WDR70: variants seen among roughly 807,000 people sequenced by gnomAD.
WDR70 encodes WD repeat-containing protein 70.
In WDR70, 53 loss-of-function variants were observed where a neutral mutation model predicts 88.6. The ratio of observed to expected loss-of-function variants is 0.60; its 90% CI spans 0.48 to 0.75. WDR70 has a LOEUF of 0.75. Ranked by LOEUF, WDR70 falls within the 30% of genes least tolerant of loss-of-function variation. The pLI is 0.00. For missense variants in WDR70, 610 were observed against 823.2 expected, an observed-to-expected ratio of 0.74 and a Z score of 3.17; for synonymous variants, 280 against 270.0, an observed-to-expected ratio of 1.04 and a Z score of -0.36.
chr5:37,507,265 A>T (rs1250275649), intron 8 of WDR70, among the ~76,000 whole-genome samples: 2 of 152,178 alleles, frequency 1.3e-5, no homozygotes, highest in African/African-American at 4.8e-5. Context: ...TTTATGGGGT[A>T]CATGTGATAT....
intron 10 of WDR70, among the ~76,000 whole-genome samples, chr5:37,613,704 TACTA>T (rs1226289372): frequency 1.3e-5 from 2 of 152,200 alleles, no homozygotes; most frequent in African/African-American, 4.8e-5. Flanking sequence ...TTATTGCACT[TACTA>T]AGTACTTACT....
At position 37,526,264 on chromosome 5, in the gene WDR70, C is replaced by T. The variant is rs567786256; in HGVS notation, c.917+9674C>T. ...ATACTGACAAACCGAATCCAGCAGC[C>T]CATCAAAAAGCTTATCCACCATGAT... On this transcript the variant is annotated intron_variant, in intron 9 of 17. Coordinates refer to ENST00000265107, the MANE Select transcript of WDR70 (RefSeq NM_018034.4). 1.2e-3 allele frequency among the ~76,000 whole-genome samples: 182 copies of T among 152,178 alleles called. 4 individuals are homozygous for T. In the South Asian group the frequency reaches 0.036, roughly 30 times the overall value.
intron 2 of WDR70, among the ~76,000 whole-genome samples, chr5:37,380,767 T>C (rs35804017): frequency 0.036 from 5,480 of 151,996 alleles, 346 homozygotes; most frequent in African/African-American, 0.13. Context: ...CCCACCTTAG[T>C]CTCCTGAGTA....
At chr5:37,523,480 A>ATG (rs1174031569) in intron 9 of WDR70, among the ~76,000 whole-genome samples, 4 of 152,220 alleles carry the variant, frequency 2.6e-5, no homozygotes, top group African/African-American at 9.6e-5. Flanking sequence ...CCCCATCTGT[A>ATG]TGTCACCATC....
chr5:37,391,755 C>T (rs533852533), intron 3 of WDR70, among the ~76,000 whole-genome samples: 3 of 152,146 alleles, frequency 2.0e-5, no homozygotes, highest in Admixed American at 6.5e-5. Context: ...TTAGACTGTG[C>T]TTTCAGTTTC....
intron 8 of WDR70, among the ~76,000 whole-genome samples, chr5:37,484,709 A>C (rs543469837): frequency 1.8e-4 from 27 of 152,320 alleles, no homozygotes; most frequent in African/African-American, 6.3e-4. Flanking sequence ...GGTATGAAAA[A>C]CATTTATTTT....
At chr5:37,492,804 T>C (rs1740104660) in intron 8 of WDR70, among the ~76,000 whole-genome samples, 1 of 152,180 alleles carries the variant, frequency 6.6e-6, no homozygotes, top group South Asian at 2.1e-4. Flanking sequence ...GACTAGATGA[T>C]TTAGTTAATT....
chr5:37,623,578 A>G (rs1041284057), intron 10 of WDR70, among the ~76,000 whole-genome samples: 2 of 152,176 alleles, frequency 1.3e-5, no homozygotes, highest in Non-Finnish European at 2.9e-5. Context: ...TGGAACTTTT[A>G]TACTATTTCA....
Position 37,474,100 on chromosome 5 carries a change from T to C in WDR70, c.687-5734T>C, listed in dbSNP as rs149890316. ...TTTTCTTTGATCTAAGGATTACTTA[T>C]AGGTATCTTGCTTTATTTTCAAACA... On this transcript the variant is annotated intron_variant, in intron 7 of 17. Transcript: ENST00000265107. Among the ~76,000 whole-genome samples, 6 of 152,308 alleles carry C rather than the reference T, an allele frequency of 3.9e-5. No individual in the cohort carries two copies. In the East Asian group the frequency reaches 1.2e-3, roughly 29 times the overall value.
intron 5 of WDR70, among the ~76,000 whole-genome samples, chr5:37,410,800 G>A (rs1277020156): frequency 6.6e-6 from 1 of 152,148 alleles, no homozygotes; most frequent in African/African-American, 2.4e-5. Flanking sequence ...ATGGAAAATG[G>A]AAGTAGGTAT....
At chr5:37,448,108 A>G (rs1408865826) in intron 7 of WDR70, among the ~76,000 whole-genome samples, 2 of 152,056 alleles carry the variant, frequency 1.3e-5, no homozygotes, top group African/African-American at 4.8e-5. Context: ...ATTGGTGATC[A>G]TTTCTTTTTC....
intron 5 of WDR70, among the ~76,000 whole-genome samples, chr5:37,417,341 C>G (rs1335955055): frequency 6.6e-6 from 1 of 152,090 alleles, no homozygotes. Context: ...CCTCCCATCT[C>G]AGTCTCCCTA....
chr5:37,411,721 G>A (rs796683183), intron 5 of WDR70, among the ~76,000 whole-genome samples: 8 of 152,024 alleles, frequency 5.3e-5, no homozygotes, highest in African/African-American at 1.7e-4. Context: ...ATGAGACTCC[G>A]TCTTGATTTG....
intron 5 of WDR70, among the ~76,000 whole-genome samples, chr5:37,428,222 C>T (rs970221936): frequency 5.3e-5 from 8 of 151,848 alleles, no homozygotes; most frequent in Admixed American, 3.3e-4. Flanking sequence ...AAAAAAATAA[C>T]CAGTTTTGCT....
intron 10 of WDR70, among the ~76,000 whole-genome samples, chr5:37,692,736 A>G (rs75372751): frequency 6.6e-6 from 1 of 152,350 alleles, no homozygotes; most frequent in East Asian, 1.9e-4. Flanking sequence ...AGAGCTATTT[A>G]TGACAAATCC....
chr5:37,747,062 C>A (rs1748656337), intron 17 of WDR70, among the ~76,000 whole-genome samples: 1 of 152,158 alleles, frequency 6.6e-6, no homozygotes, highest in Admixed American at 6.5e-5. Context: ...CATCAAAAAA[C>A]TTAATCCATG....
intron 10 of WDR70, among the ~76,000 whole-genome samples, chr5:37,630,391 G>T (rs1180392790): frequency 6.6e-6 from 1 of 152,202 alleles, no homozygotes; most frequent in Non-Finnish European, 1.5e-5. Flanking sequence ...TCAGACCCTT[G>T]TTGAGGATGT....
chr5:37,734,967 A>G (rs1046921288), intron 17 of WDR70, among the ~76,000 whole-genome samples: 1 of 152,006 alleles, frequency 6.6e-6, no homozygotes, highest in African/African-American at 2.4e-5. Flanking sequence ...AATTTTGTGT[A>G]TTTTTCTTTT....
intron 7 of WDR70, among the ~76,000 whole-genome samples, chr5:37,451,404 G>A (rs1398766617): frequency 6.6e-6 from 1 of 152,108 alleles, no homozygotes; most frequent in Non-Finnish European, 1.5e-5. Context: ...CGTCCAGTAT[G>A]GTAGTCACTC....
Sources: gnomAD v4.1 joint callset for allele counts (sites outside exome capture counted in the v4.1 genomes callset) on GRCh38, gnomAD v4.1.1 for gene constraint, MANE v1.5 for transcripts, NCBI Gene and HGNC (gene_info 2026-07-23, HGNC 2026-07-21) for gene names.